The following CYP2C18 variants were observed in gnomAD, a reference collection of about 807,000 sequenced individuals.
CYP2C18 encodes the protein cytochrome P450 2C18.
CYP2C18 carries 38 observed loss-of-function variants against 41.3 expected under a neutral mutation model. The observed-to-expected ratio is 0.92, with a 90% CI of 0.71 to 1.21. CYP2C18 has a LOEUF of 1.21. Ranked by LOEUF, CYP2C18 falls within the 50% of genes most tolerant of loss-of-function variation. The pLI is 0.00. For synonymous variants in CYP2C18, 236 were observed against 210.0 expected, an observed-to-expected ratio of 1.12 and a Z score of -1.07; for missense variants, 635 against 591.4, an observed-to-expected ratio of 1.07 and a Z score of -0.77.
intron 3 of CYP2C18, among the ~76,000 whole-genome samples, chr10:94,692,355 G>A (rs1346551493): frequency 6.6e-6 from 1 of 151,822 alleles, no homozygotes; most frequent in African/African-American, 2.4e-5. Flanking sequence ...ATCAAAAAGT[G>A]GGCAAAGGAT....
At chr10:94,692,868 G>T (rs1847033065) in intron 3 of CYP2C18, among the ~76,000 whole-genome samples, 1 of 152,088 alleles carries the variant, frequency 6.6e-6, no homozygotes, top group South Asian at 2.1e-4. Flanking sequence ...CATGTCCTTT[G>T]TAAGGACATG....
chr10:94,703,532 G>A (rs2134188362), intron 4 of CYP2C18, among the ~76,000 whole-genome samples: 1 of 152,300 alleles, frequency 6.6e-6, no homozygotes, highest in South Asian at 2.1e-4. Flanking sequence ...TGTTTACACT[G>A]TGAGGGGAAA....
At chr10:94,713,831 C>G (rs1440882159) in intron 5 of CYP2C18, among the ~76,000 whole-genome samples, 1 of 152,222 alleles carries the variant, frequency 6.6e-6, no homozygotes, top group African/African-American at 2.4e-5. Flanking sequence ...TCTCCACATC[C>G]TCTCCAGCAC....
At chr10:94,731,710 C>T (rs1847836227) in intron 7 of CYP2C18, among the ~76,000 whole-genome samples, 1 of 152,078 alleles carries the variant, frequency 6.6e-6, no homozygotes, top group African/African-American at 2.4e-5. Context: ...AAAAAACAGG[C>T]AATGGGAAAA....
Position 94,735,629 on chromosome 10 carries a change from T to C in CYP2C18, c.*185T>C. 1.6e-6 allele frequency: 1 copy of C among 616,684 alleles called. No individual in the cohort carries two copies. Among genetic ancestry groups the C allele is most frequent in the Non-Finnish European group, 2.8e-6 (1 of 350,906 alleles). The allele number at this position is 616,684 out of a possible 1,614,324, so 38.2% of individuals were successfully genotyped here. A position where few individuals can be genotyped will look rare whatever the true frequency, so the allele number is the denominator to read the frequency against. On this transcript the variant is annotated 3_prime_UTR_variant, in exon 9 of 9. Transcript: ENST00000285979. ...AAAGAGAGTTTCTTGGGTCACTTCC[T>C]AAATATATCTGCTATTCTCCATACT...
At position 94,724,449 on chromosome 10, in the gene CYP2C18, C is replaced by T. The variant is rs1373192615; in HGVS notation, c.1065C>T (p.Ile355=). The part of the protein sequence containing the change: ...MPYTDAVVHE[I]QRYIDLLPTN... ...ACACAGATGCTGTGGTGCACGAGAT[C>T]CAGAGATACATTGACCTCCTCCCCA... The change falls in exon 7 of 9, where the codon ATC becomes ATT. Residue 355 remains isoleucine, a synonymous_variant. Coordinates refer to ENST00000285979, the MANE Select transcript of CYP2C18 (RefSeq NM_000772.3). 6.2e-7 allele frequency: 1 copy of T among 1,613,610 alleles called. No individual in the cohort carries two copies. Among genetic ancestry groups the T allele is most frequent in the East Asian group, 2.2e-5 (1 of 44,832 alleles).
chr10:94,689,925 C>A (rs548713652), intron 3 of CYP2C18, among the ~76,000 whole-genome samples: 10 of 152,202 alleles, frequency 6.6e-5, no homozygotes, highest in Middle Eastern at 6.8e-3. Context: ...TATTCCCAGG[C>A]TTACTCAGTC....
chr10:94,696,251 C>T lies in CYP2C18; in HGVS notation c.642+1174C>T, dbSNP rs189753610. 2.6e-5 allele frequency among the ~76,000 whole-genome samples: 4 copies of T among 152,168 alleles called. No homozygotes were observed. In the East Asian group the frequency reaches 7.7e-4, roughly 29 times the overall value. On this transcript the variant is annotated intron_variant, in intron 4 of 8. Transcript: ENST00000285979. ...CACCCCAGTAGGGGCAGACTGACAC[C>T]TCACATGGCTGGGTACTCCTCTGAG...
chr10:94,724,492 G>T lies in CYP2C18; in HGVS notation c.1108G>T (p.Val370Leu), dbSNP rs373928015. 6.2e-7 allele frequency: 1 copy of T among 1,613,568 alleles called. No homozygotes were observed. The highest frequency in any genetic ancestry group is 8.5e-7 in the Non-Finnish European group (1 of 1,179,672). ...CCTCCCCACCAACCTGCCCCATGCA[G>T]TGACCTGTGATGTTAAATTCAAAAA... ...DLLPTNLPHAVTCDVKFKNYL... is the reference protein window; with the variant it reads ...DLLPTNLPHALTCDVKFKNYL... The change falls in exon 7 of 9, where the codon GTG (valine) becomes TTG (leucine). Residue 370 changes from valine to leucine, a missense_variant. By Grantham distance (32) the Val-to-Leu change is conservative (BLOSUM62 1). Transcript: ENST00000285979.
In CYP2C18 at chr10:94,735,702, C is replaced by A. The variant is rs1001139766; in HGVS notation, c.*258C>A. The A allele has an allele frequency of 2.2e-6, 1 of 455,634 alleles. No homozygotes were observed. The allele number at this position is 455,634 out of a possible 1,614,324, so 28.2% of individuals were successfully genotyped here. The stretch of plus-strand genomic sequence containing the variant: ...CACATATGCTAATACCTATCTACTG[C>A]TGAGTTGTCAGTATGTTATCACTAG... On this transcript the variant is annotated 3_prime_UTR_variant, in exon 9 of 9. Transcript: ENST00000285979.
At chr10:94,701,039 A>G (rs1436735987) in intron 4 of CYP2C18, among the ~76,000 whole-genome samples, 1 of 152,238 alleles carries the variant, frequency 6.6e-6, no homozygotes, top group Admixed American at 6.5e-5. Context: ...AACTAGTTCA[A>G]CCATTGTGGA....
intron 7 of CYP2C18, among the ~76,000 whole-genome samples, chr10:94,732,430 T>C (rs1343263575): frequency 6.6e-6 from 1 of 152,064 alleles, no homozygotes; most frequent in Non-Finnish European, 1.5e-5. Flanking sequence ...TCAAAGAACT[T>C]AAAAGAGAAC....
chr10:94,709,405 T>C (rs1436660147), intron 5 of CYP2C18, among the ~76,000 whole-genome samples: 2 of 152,232 alleles, frequency 1.3e-5, no homozygotes, highest in Admixed American at 6.5e-5. Flanking sequence ...TGTATCTCTT[T>C]GGATAAAAGT....
chr10:94,706,566 G>A (rs1847346023), intron 4 of CYP2C18, among the ~76,000 whole-genome samples: 1 of 152,114 alleles, frequency 6.6e-6, no homozygotes, highest in South Asian at 2.1e-4. Flanking sequence ...AATAATATAT[G>A]AGTATAGAAA....
At position 94,724,491 on chromosome 10, in the gene CYP2C18, A is replaced by G; in HGVS notation, c.1107A>G (p.Ala369=). The change falls in exon 7 of 9, where the codon GCA becomes GCG. Residue 369 remains alanine, a synonymous_variant. Transcript: ENST00000285979. ...TCCTCCCCACCAACCTGCCCCATGCAGTGACCTGTGATGTTAAATTCAAAA... is the reference window on the plus strand; with the variant it reads ...TCCTCCCCACCAACCTGCCCCATGCGGTGACCTGTGATGTTAAATTCAAAA... ...IDLLPTNLPH[A]VTCDVKFKNY... 6.2e-7 allele frequency: 1 copy of G among 1,613,594 alleles called. No individual in the cohort carries two copies. The highest frequency in any genetic ancestry group is 8.5e-7 in the Non-Finnish European group (1 of 1,179,692).
chr10:94,700,302 A>C (rs762303195), intron 4 of CYP2C18, among the ~76,000 whole-genome samples: 14 of 152,220 alleles, frequency 9.2e-5, no homozygotes, highest in Non-Finnish European at 1.9e-4. Context: ...GGAACAGAAC[A>C]GAGCCCTCAG....
chr10:94,718,144 T>G (rs987633547), intron 5 of CYP2C18, among the ~76,000 whole-genome samples: 2 of 152,080 alleles, frequency 1.3e-5, no homozygotes, highest in African/African-American at 4.8e-5. Context: ...TATTTTATAT[T>G]TTTTGGTGAC....
rs543988958 is a variant in CYP2C18, at chr10:94,735,507, T to C, written c.*63T>C. ...CTGCAATTCTCCCTTATCAGGGCCA[T>C]TGGCCTCTCCCTTCTCTCTGTGAGG... On this transcript the variant is annotated 3_prime_UTR_variant, in exon 9 of 9. Coordinates refer to ENST00000285979, the MANE Select transcript of CYP2C18 (RefSeq NM_000772.3). 7.2e-4 allele frequency: 1,094 copies of C among 1,513,722 alleles called. 1 individual carries two copies. The highest frequency in any genetic ancestry group is 3.1e-3 in the East Asian group (138 of 44,180). 93.8% of individuals were successfully genotyped at this position (1,513,722 alleles called of 1,614,324 possible). A position where few individuals can be genotyped will look rare whatever the true frequency, so the allele number is the denominator to read the frequency against.
intron 5 of CYP2C18, among the ~76,000 whole-genome samples, chr10:94,707,591 A>G (rs1401053511): frequency 6.6e-6 from 1 of 152,184 alleles, no homozygotes; most frequent in Non-Finnish European, 1.5e-5. Context: ...GATGCGTATA[A>G]TTATTAGAGA....
Sources: gnomAD v4.1 joint callset for allele counts (sites outside exome capture counted in the v4.1 genomes callset) on GRCh38, gnomAD v4.1.1 for gene constraint, MANE v1.5 for transcripts, NCBI Gene and HGNC (gene_info 2026-07-23, HGNC 2026-07-21) for gene names.